Variants in TCF7L1 observed in about 807,000 individuals in gnomAD.
TCF7L1 encodes the protein transcription factor 7 like 1, also known as transcription factor 7-like 1.
In TCF7L1, 18 loss-of-function variants were observed where a neutral mutation model predicts 63.7. That is an observed-to-expected ratio of 0.28 (90% CI 0.20 to 0.42). TCF7L1 has a LOEUF of 0.42. TCF7L1 is among the 10% of genes least tolerant of loss of function. The pLI is 1.00. For missense variants in TCF7L1, 654 were observed against 779.3 expected, an observed-to-expected ratio of 0.84 and a Z score of 1.91; for synonymous variants, 355 against 340.9, an observed-to-expected ratio of 1.04 and a Z score of -0.46.
At chr2:85,279,257 C>G (rs1681357161) in intron 3 of TCF7L1, among the ~76,000 whole-genome samples, 1 of 152,220 alleles carries the variant, frequency 6.6e-6, no homozygotes, top group Admixed American at 6.5e-5. Flanking sequence ...GTTGGCCTTA[C>G]AGCTAAGAAG....
At chr2:85,266,786 C>A (rs1026507682) in intron 3 of TCF7L1, among the ~76,000 whole-genome samples, 33 of 152,204 alleles carry the variant, frequency 2.2e-4, no homozygotes, top group African/African-American at 8.0e-4. Flanking sequence ...TATTGATTTG[C>A]TTACATTAGT....
chr2:85,151,238 A>G (rs1014111061), intron 3 of TCF7L1, among the ~76,000 whole-genome samples: 1 of 152,144 alleles, frequency 6.6e-6, no homozygotes, highest in Non-Finnish European at 1.5e-5. Context: ...GTAACTTCCT[A>G]ATTAGGTTTT....
intron 3 of TCF7L1, among the ~76,000 whole-genome samples, chr2:85,206,152 G>A (rs1260991645): frequency 6.6e-6 from 1 of 152,244 alleles, no homozygotes; most frequent in Admixed American, 6.5e-5. Context: ...GATGAGAAAT[G>A]AGCACACGTG....
Position 85,302,489 on chromosome 2 carries a change from T to C in TCF7L1, c.531T>C (p.Asn177=). ...GTCTTTTTTGTCTCTTTCAGTCTAATAAAGTTCCTGTCGTTCAGCACCCGC... is the reference window on the plus strand; with the variant it reads ...GTCTTTTTTGTCTCTTTCAGTCTAACAAAGTTCCTGTCGTTCAGCACCCGC... The part of the protein sequence containing the change: ...TRSPSPAHLS[N]KVPVVQHPHH... Residue 177 remains asparagine (N), a synonymous_variant, in exon 5 of 12, where the codon AAT becomes AAC. Transcript: ENST00000282111. 2 of 1,614,202 alleles carry C rather than the reference T, an allele frequency of 1.2e-6. No individual in the cohort carries two copies. Among genetic ancestry groups the C allele is most frequent in the Non-Finnish European group, 1.7e-6 (2 of 1,180,042 alleles).
intron 3 of TCF7L1, among the ~76,000 whole-genome samples, chr2:85,178,165 T>C (rs1056910384): frequency 1.3e-5 from 2 of 152,210 alleles, no homozygotes; most frequent in African/African-American, 4.8e-5. Context: ...GTGAGCTCTT[T>C]AGAGGGGAAA....
intron 3 of TCF7L1, among the ~76,000 whole-genome samples, chr2:85,199,507 A>G (rs1679226524): frequency 6.6e-6 from 1 of 152,194 alleles, no homozygotes; most frequent in African/African-American, 2.4e-5. Flanking sequence ...CTCAGGCTGC[A>G]CATTAGAGTC....
At position 85,134,206 on chromosome 2, in the gene TCF7L1, C is replaced by T. The variant is rs1280216588; in HGVS notation, c.314-117C>T. On this transcript the variant is annotated intron_variant, in intron 2 of 11. Transcript: ENST00000282111. The surrounding 1 kb of genome is among the most constrained non-coding windows in gnomAD (Gnocchi z 5.0). ...TGCCCTCCGCCTTTATTGGCGGCAGCCCCCGTGGGGCGCGCGTGGGGGGCG... is the reference window on the plus strand; with the variant it reads ...TGCCCTCCGCCTTTATTGGCGGCAGTCCCCGTGGGGCGCGCGTGGGGGGCG... The T allele has an allele frequency of 2.0e-6, 3 of 1,483,176 alleles. No individual in the cohort carries two copies. Among genetic ancestry groups the T allele is most frequent in the Admixed American group, 4.6e-5 (2 of 43,178 alleles). 91.9% of individuals were successfully genotyped at this position (1,483,176 alleles called of 1,614,324 possible). A position where few individuals can be genotyped will look rare whatever the true frequency, so the allele number is the denominator to read the frequency against.
intron 3 of TCF7L1, among the ~76,000 whole-genome samples, chr2:85,149,731 G>T (rs374879333): frequency 5.3e-5 from 8 of 152,078 alleles, no homozygotes; most frequent in African/African-American, 1.9e-4. Flanking sequence ...CACTATGTTG[G>T]CCAGGCTGGT....
intron 3 of TCF7L1, among the ~76,000 whole-genome samples, chr2:85,202,785 AGATAAACACT>A (rs1023569917): frequency 1.8e-4 from 27 of 152,292 alleles, no homozygotes; most frequent in African/African-American, 6.0e-4. Flanking sequence ...TTCAATTGAG[AGATAAACACT>A]GACTCTAAAG....
chr2:85,263,717 A>C (rs749330828), intron 3 of TCF7L1, among the ~76,000 whole-genome samples: 4 of 152,214 alleles, frequency 2.6e-5, no homozygotes, highest in Non-Finnish European at 5.9e-5. Context: ...TCAAGGAAGC[A>C]CTTGGAGATG....
intron 3 of TCF7L1, among the ~76,000 whole-genome samples, chr2:85,150,626 A>G (rs1677988022): frequency 6.7e-6 from 1 of 148,156 alleles, no homozygotes; most frequent in African/African-American, 2.5e-5. Context: ...GAGTAGCTTT[A>G]GGTTGTACAT....
intron 3 of TCF7L1, among the ~76,000 whole-genome samples, chr2:85,150,745 C>A (rs1183658937): frequency 6.6e-6 from 1 of 152,082 alleles, no homozygotes; most frequent in Non-Finnish European, 1.5e-5. Flanking sequence ...ATCATGTGTT[C>A]CAGCTTTCTC....
At chr2:85,171,836 GT>G (rs2104236686) in intron 3 of TCF7L1, among the ~76,000 whole-genome samples, 1 of 152,250 alleles carries the variant, frequency 6.6e-6, no homozygotes, top group South Asian at 2.1e-4. Context: ...CTTGTAAAAT[GT>G]AGAGTTTACC....
rs1055819022 is a variant in TCF7L1, at chr2:85,134,845, C to A, written c.441+395C>A. 6.6e-5 allele frequency among the ~76,000 whole-genome samples: 10 copies of A among 152,124 alleles called. No homozygotes were observed. The highest frequency in any genetic ancestry group is 1.3e-4 in the Non-Finnish European group (9 of 68,032). On this transcript the variant is annotated intron_variant, in intron 3 of 11. Coordinates refer to ENST00000282111, the MANE Select transcript of TCF7L1 (RefSeq NM_031283.3). The surrounding 1 kb of genome is among the most constrained non-coding windows in gnomAD (Gnocchi z 5.0). ...TAGGGAGCTGGGTTGGCGACGTTGTCCTCCGACTCCGGGTTCACTGGGCGG... is the reference window on the plus strand; with the variant it reads ...TAGGGAGCTGGGTTGGCGACGTTGTACTCCGACTCCGGGTTCACTGGGCGG...
intron 4 of TCF7L1, among the ~76,000 whole-genome samples, chr2:85,294,902 C>G (rs2104380876): frequency 6.6e-6 from 1 of 151,998 alleles, no homozygotes; most frequent in East Asian, 2.0e-4. Flanking sequence ...GGCATGGTGG[C>G]ACATACCTGC....
At chr2:85,278,333 G>A (rs1681326025) in intron 3 of TCF7L1, among the ~76,000 whole-genome samples, 1 of 152,212 alleles carries the variant, frequency 6.6e-6, no homozygotes, top group Non-Finnish European at 1.5e-5. Flanking sequence ...CAAGGACACT[G>A]ATGGCAACAC....
chr2:85,151,687 T>C (rs1678019671), intron 3 of TCF7L1, among the ~76,000 whole-genome samples: 1 of 152,230 alleles, frequency 6.6e-6, no homozygotes, highest in Admixed American at 6.5e-5. Context: ...CTGAGACCAG[T>C]TTGCCACTTA....
intron 3 of TCF7L1, among the ~76,000 whole-genome samples, chr2:85,256,307 G>A (rs756396902): frequency 6.7e-6 from 1 of 149,876 alleles, no homozygotes; most frequent in Non-Finnish European, 1.5e-5. Context: ...GAGTCAGACC[G>A]CTTTCAGTTG....
intron 3 of TCF7L1, among the ~76,000 whole-genome samples, chr2:85,205,535 T>C (rs1350798920): frequency 2.7e-5 from 3 of 111,208 alleles, no homozygotes; most frequent in African/African-American, 7.1e-5. Context: ...TCAGCCCACA[T>C]TGTTTTTTTT....
Sources: gnomAD v4.1 joint callset for allele counts (sites outside exome capture counted in the v4.1 genomes callset) on GRCh38, gnomAD v4.1.1 for gene constraint, Gnocchi (gnomAD v3.1) non-coding constraint, MANE v1.5 for transcripts, NCBI Gene and HGNC (gene_info 2026-07-23, HGNC 2026-07-21) for gene names.